The following WASF3 variants were observed in gnomAD, a reference collection of about 807,000 sequenced individuals.
WASF3 encodes WASP family member 3, also known as actin-binding protein WASF3.
A neutral mutation model predicts 46.6 loss-of-function variants in WASF3; 11 were observed. The ratio of observed to expected loss-of-function variants is 0.24; its 90% CI spans 0.15 to 0.39. The LOEUF (loss-of-function observed/expected upper bound fraction) is 0.39. Ranked by LOEUF, WASF3 falls within the 10% of genes least tolerant of loss-of-function variation. WASF3 has a pLI of 1.00. For synonymous variants in WASF3, 242 were observed against 259.7 expected (o/e 0.93, Z 0.65); for missense variants, 576 against 669.8 (o/e 0.86, Z 1.55).
intron 3 of WASF3, among the ~76,000 whole-genome samples, chr13:26,644,977 C>T (rs562950574): frequency 2.0e-5 from 3 of 152,144 alleles, no homozygotes; most frequent in African/African-American, 4.8e-5. Flanking sequence ...ACTTCAGGTT[C>T]GTTGAGTGCA....
intron 2 of WASF3, among the ~76,000 whole-genome samples, chr13:26,617,264 T>G (rs1262245999): frequency 1.3e-5 from 2 of 149,088 alleles, no homozygotes; most frequent in Non-Finnish European, 2.9e-5. Context: ...TCATTTTTAG[T>G]GTTTTTTTTT....
rs1883488793 is a variant in WASF3 at position 26,688,849 on chromosome 13, A to T, written c.*3004A>T. The T allele has an allele frequency of 6.6e-6, 1 of 152,212 alleles. No individual in the cohort carries two copies. 9.4% of individuals were successfully genotyped at this position (152,212 alleles called of 1,614,324 possible). ...AAAGTGGTATTAAAAAAAACTGTTA[A>T]ACAATTTTTATCTGTTTGTATATCT... On this transcript the variant is annotated 3_prime_UTR_variant, in exon 10 of 10. Coordinates refer to ENST00000335327, the MANE Select transcript of WASF3 (RefSeq NM_006646.6).
Position 26,578,993 on chromosome 13 carries a change from C to CTTTTTTTTTT in WASF3, c.-109+21188_-109+21197dup, listed in dbSNP as rs200299739. Among the ~76,000 whole-genome samples the CTTTTTTTTTT allele has an allele frequency of 5.0e-3, 304 of 60,614 alleles. 40 individuals are homozygous for CTTTTTTTTTT. Among genetic ancestry groups the CTTTTTTTTTT allele is most frequent in the African/African-American group, 9.4e-3 (123 of 13,028 alleles). The allele number at this position is 60,614 out of a possible 152,430, so 39.8% of individuals were successfully genotyped here. A position where few individuals can be genotyped will look rare whatever the true frequency, so the allele number is the denominator to read the frequency against. On this transcript the variant is annotated intron_variant, in intron 1 of 9. Transcript: ENST00000335327. ...ACCTTATATTCTTGGGATACATTTCCTTTTTTTTTTTTTTTTTTTTTTTGT... is the reference window on the plus strand; with the variant it reads ...ACCTTATATTCTTGGGATACATTTCCTTTTTTTTTTTTTTTTTTTTTTTTTTTTTTTTTGT...
chr13:26,670,510 A>T (rs188630957), intron 5 of WASF3, among the ~76,000 whole-genome samples: 2 of 152,114 alleles, frequency 1.3e-5, no homozygotes, highest in African/African-American at 4.8e-5. Context: ...AAAAGAACGT[A>T]TCTGTTTATA....
At chr13:26,566,061 C>T (rs1401867529) in intron 1 of WASF3, among the ~76,000 whole-genome samples, 3 of 152,176 alleles carry the variant, frequency 2.0e-5, no homozygotes, top group Non-Finnish European at 4.4e-5. Context: ...TCTTGCCACA[C>T]AGGAGTTTAG....
At chr13:26,674,213 G>A (rs934851739) in intron 6 of WASF3, among the ~76,000 whole-genome samples, 4 of 152,180 alleles carry the variant, frequency 2.6e-5, no homozygotes, top group Non-Finnish European at 5.9e-5. Flanking sequence ...GGTGAAGAAA[G>A]TTGCAAATAT....
At chr13:26,626,831 G>A (rs1200797403) in intron 2 of WASF3, among the ~76,000 whole-genome samples, 1 of 152,016 alleles carries the variant, frequency 6.6e-6, no homozygotes, top group Non-Finnish European at 1.5e-5. Flanking sequence ...TTAAATATGT[G>A]GCTACATTCA....
chr13:26,557,794 G>C lies in WASF3; in HGVS notation c.-134G>C. ...ACCATGGAGCTCAGAGCGCAGCCCC[G>C]GCGCCGGCGGCGGGACCGCGGACCG... is the stretch of plus-strand genomic sequence containing the variant. On this transcript the variant is annotated 5_prime_UTR_variant, in exon 1 of 10. Coordinates refer to ENST00000335327, the MANE Select transcript of WASF3 (RefSeq NM_006646.6). The C allele has an allele frequency of 3.5e-6, 1 of 283,118 alleles. No homozygotes were observed. The highest frequency in any genetic ancestry group is 6.5e-6 in the Non-Finnish European group (1 of 152,868). 17.5% of individuals were successfully genotyped at this position (283,118 alleles called of 1,614,324 possible).
At chr13:26,664,833 A>T (rs945424684) in intron 3 of WASF3, among the ~76,000 whole-genome samples, 195 bp from the exon 4 acceptor site, 1 of 152,272 alleles carries the variant, frequency 6.6e-6, no homozygotes, top group Non-Finnish European at 1.5e-5. Flanking sequence ...TACAACATTG[A>T]GTCAGTTTCA....
chr13:26,665,730 A>G (rs1265611474), intron 4 of WASF3, among the ~76,000 whole-genome samples: 1 of 152,240 alleles, frequency 6.6e-6, no homozygotes, highest in Non-Finnish European at 1.5e-5. Flanking sequence ...ATTTGATGAT[A>G]CACCCTGAAA....
chr13:26,600,597 G>A (rs958231590), intron 1 of WASF3, among the ~76,000 whole-genome samples: 1 of 152,164 alleles, frequency 6.6e-6, no homozygotes, highest in African/African-American at 2.4e-5. Flanking sequence ...TACAAATCCT[G>A]ATTAAGAAGG....
At chr13:26,596,523 C>T (rs774867850) in intron 1 of WASF3, among the ~76,000 whole-genome samples, 14 of 152,044 alleles carry the variant, frequency 9.2e-5, no homozygotes, top group Non-Finnish European at 1.9e-4. Flanking sequence ...CAGTTTTCTG[C>T]AAGTCATATG....
chr13:26,613,028 A>G lies in WASF3; in HGVS notation c.-41A>G, dbSNP rs994125499. 6.6e-6 allele frequency: 1 copy of G among 152,112 alleles called. No homozygotes were observed. The highest frequency in any genetic ancestry group is 2.4e-5 in the African/African-American group (1 of 41,438). 9.4% of individuals were successfully genotyped at this position (152,112 alleles called of 1,614,324 possible). A position where few individuals can be genotyped will look rare whatever the true frequency, so the allele number is the denominator to read the frequency against. On this transcript the variant is annotated 5_prime_UTR_variant, in exon 2 of 10. Coordinates refer to ENST00000335327, the MANE Select transcript of WASF3 (RefSeq NM_006646.6). ...AAAGTGGTGATGCTACTTGAGGGGA[A>G]TTTCTGCAACCCATAGTCAACGATT...
In WASF3 at chr13:26,688,051, T is replaced by C. The variant is rs973234573; in HGVS notation, c.*2206T>C. 4 of 152,244 alleles carry C rather than the reference T, an allele frequency of 2.6e-5. No individual in the cohort carries two copies. The highest frequency in any genetic ancestry group is 9.6e-5 in the African/African-American group (4 of 41,466). The allele number at this position is 152,244 out of a possible 1,614,324, so 9.4% of individuals were successfully genotyped here. On this transcript the variant is annotated 3_prime_UTR_variant, in exon 10 of 10. Coordinates refer to ENST00000335327, the MANE Select transcript of WASF3 (RefSeq NM_006646.6). ...TTCCTGTAGCTGAATCAACAAGTTA[T>C]TTTCAACTCAATTTTATGACTTGCG...
chr13:26,617,899 G>A (rs981351664), intron 2 of WASF3, among the ~76,000 whole-genome samples: 1 of 152,062 alleles, frequency 6.6e-6, no homozygotes, highest in Non-Finnish European at 1.5e-5. Context: ...TAAGTGTTTG[G>A]TAGTTCCTCC....
chr13:26,627,837 G>T (rs1028139206), intron 2 of WASF3, among the ~76,000 whole-genome samples: 16 of 150,230 alleles, frequency 1.1e-4, no homozygotes, highest in Non-Finnish European at 2.4e-4. Flanking sequence ...GTATACATAT[G>T]TAACTAACCT....
At position 26,671,812 on chromosome 13, in the gene WASF3, C is replaced by G. The variant is rs529605189; in HGVS notation, c.423-60C>G. ...GAGTTCAAATCAAGTTAACATTAACCTACATATAAAAGTCTCTAACAATCT... is the reference window on the plus strand; with the variant it reads ...GAGTTCAAATCAAGTTAACATTAACGTACATATAAAAGTCTCTAACAATCT... On this transcript the variant is annotated intron_variant, in intron 5 of 9. Coordinates refer to ENST00000335327, the MANE Select transcript of WASF3 (RefSeq NM_006646.6). 4.1e-5 allele frequency: 48 copies of G among 1,165,000 alleles called. No homozygotes were observed. In the South Asian group the frequency reaches 5.5e-4, roughly 13 times the overall value. 72.2% of individuals were successfully genotyped at this position (1,165,000 alleles called of 1,614,324 possible). A position where few individuals can be genotyped will look rare whatever the true frequency, so the allele number is the denominator to read the frequency against.
intron 2 of WASF3, among the ~76,000 whole-genome samples, chr13:26,634,732 T>G (rs1421177808): frequency 6.6e-6 from 1 of 152,224 alleles, no homozygotes; most frequent in African/African-American, 2.4e-5. Context: ...ATTTTATTTC[T>G]CCTTCACTTA....
At chr13:26,645,352 C>T (rs1353932214) in intron 3 of WASF3, among the ~76,000 whole-genome samples, 1 of 152,178 alleles carries the variant, frequency 6.6e-6, no homozygotes, top group African/African-American at 2.4e-5. Context: ...TTGGAATTCC[C>T]AGCCTCCAGA....
Sources: allele counts gnomAD v4.1 joint callset (sites outside exome capture counted in the v4.1 genomes callset), GRCh38; gene constraint gnomAD v4.1.1; transcripts MANE v1.5; gene names NCBI Gene and HGNC (gene_info 2026-07-23, HGNC 2026-07-21).